The following GNA15 variants were observed in gnomAD, a reference collection of about 807,000 sequenced individuals.
GNA15 encodes the protein G protein subunit alpha 15.
Under a neutral mutation model 40.1 loss-of-function variants are expected in GNA15, and 23 were observed. The ratio of observed to expected loss-of-function variants is 0.57; its 90% CI spans 0.41 to 0.81. The LOEUF is 0.81. Ranked by LOEUF, GNA15 falls within the 40% of genes least tolerant of loss-of-function variation. The probability of loss-of-function intolerance (pLI) is 0.00; values close to 1 mark genes in which losing one functional copy is unlikely to be tolerated. For missense variants in GNA15, 522 were observed against 515.8 expected (o/e 1.01, Z -0.12); for synonymous variants, 226 against 210.4 (o/e 1.07, Z -0.64).
At chr19:3,140,043 A>AT (rs67128452) in intron 1 of GNA15, among the ~76,000 whole-genome samples, 6 of 42,472 alleles carry the variant, frequency 1.4e-4, no homozygotes, top group Admixed American at 1.2e-3. Flanking sequence ...CAAAAAAAAA[A>AT]AATCTATCTA....
At chr19:3,148,062 A>T (rs1599323892) in intron 1 of GNA15, among the ~76,000 whole-genome samples, 1 of 136,576 alleles carries the variant, frequency 7.3e-6, no homozygotes, top group African/African-American at 2.7e-5. Flanking sequence ...TGGTCTGTTG[A>T]GGTCCATGTT....
At chr19:3,156,183 C>CT (rs1915009798) in intron 5 of GNA15, among the ~76,000 whole-genome samples, 2 of 150,924 alleles carry the variant, frequency 1.3e-5, no homozygotes, top group African/African-American at 4.9e-5. Context: ...CACACACACA[C>CT]ACACACACAC....
chr19:3,163,009 A>C lies in GNA15; in HGVS notation c.1115A>C (p.Asn372Thr). 3 of 1,611,894 alleles carry C rather than the reference A, an allele frequency of 1.9e-6. No homozygotes were observed. The highest frequency in any genetic ancestry group is 1.7e-4 in the Middle Eastern group (1 of 6,056). Residue 372 changes from asparagine (N) to threonine (T), a missense_variant, in exon 7 of 7, where the codon AAC becomes ACC. Asn to Thr is a moderately conservative substitution (Grantham distance 65, BLOSUM62 0). Transcript: ENST00000262958. Reference protein sequence around the residue: ...SVLARYLDEINLL With the variant: ...SVLARYLDEITLL ...CTCGCCCGCTACCTGGACGAGATCA[A>C]CCTGCTGTGACCCAGGCCCCACCTG... is the stretch of plus-strand genomic sequence containing the variant.
Position 3,144,750 on chromosome 19 carries a change from G to C in GNA15, c.146-3841G>C, listed in dbSNP as rs187738606. Among the ~76,000 whole-genome samples the C allele has an allele frequency of 6.3e-3, 958 of 150,966 alleles. 7 individuals carry two copies. The highest frequency in any genetic ancestry group is 0.021 in the African/African-American group (872 of 41,100). The stretch of plus-strand genomic sequence containing the variant: ...TCACCGTGTTAGCCAGGATGGTCTC[G>C]ATCTCCTGACCTCGTGATCCGCCCG... On this transcript the variant is annotated intron_variant, in intron 1 of 6. Transcript: ENST00000262958.
At chr19:3,142,558 T>C (rs1163171161) in intron 1 of GNA15, 1 of 152,200 alleles carries the variant, frequency 6.6e-6, no homozygotes, top group Non-Finnish European at 1.5e-5. Flanking sequence ...GGAAGACAAC[T>C]GGGGGACAGG....
chr19:3,155,931 C>G lies in GNA15; in HGVS notation c.723C>G (p.Cys241Trp). 6.2e-7 allele frequency: 1 copy of G among 1,613,764 alleles called. No homozygotes were observed. Among genetic ancestry groups the G allele is most frequent in the Non-Finnish European group, 8.5e-7 (1 of 1,179,734 alleles). The stretch of plus-strand genomic sequence containing the variant: ...CCTCACTGAGTGAATACGACCAGTG[C>G]CTGGAGGAGAACAACCAGGAGGTGC... ...YLASLSEYDQ[C>W]LEENNQENRM... Residue 241 changes from cysteine (C) to tryptophan (W), a missense_variant, in exon 5 of 7, where the codon TGC becomes TGG. Transcript: ENST00000262958. The surrounding 1 kb of genome is among the most constrained non-coding windows in gnomAD (Gnocchi z 5.6).
chr19:3,140,439 C>A (rs1914553980), intron 1 of GNA15, among the ~76,000 whole-genome samples: 1 of 152,100 alleles, frequency 6.6e-6, no homozygotes, highest in African/African-American at 2.4e-5. Context: ...GGTCATTTAT[C>A]CCTGACCTTT....
rs1915179130 is a variant in GNA15 at position 3,163,119 on chromosome 19, C to T, written c.*100C>T. 3 of 763,428 alleles carry T rather than the reference C, an allele frequency of 3.9e-6. No individual in the cohort carries two copies. Among genetic ancestry groups the T allele is most frequent in the Non-Finnish European group, 6.7e-6 (3 of 448,742 alleles). 47.3% of individuals were successfully genotyped at this position (763,428 alleles called of 1,614,324 possible). ...CCCTGGTCTATCTCTCCAGCCTCGG[C>T]CCACACGCAAGGGAGTCGGGGGACG... On this transcript the variant is annotated 3_prime_UTR_variant, in exon 7 of 7. Transcript: ENST00000262958.
chr19:3,142,599 G>A (rs1239842517), intron 1 of GNA15, among the ~76,000 whole-genome samples: 1 of 152,124 alleles, frequency 6.6e-6, no homozygotes, highest in Non-Finnish European at 1.5e-5. Context: ...GGCTGGGCGC[G>A]GTGGCTCAGG....
chr19:3,150,272 G>C lies in GNA15; in HGVS notation c.472G>C (p.Asp158His). The C allele has an allele frequency of 1.9e-6, 3 of 1,595,468 alleles. No individual in the cohort carries two copies. The highest frequency in any genetic ancestry group is 2.6e-6 in the Non-Finnish European group (3 of 1,171,054). The stretch of plus-strand genomic sequence containing the variant: ...GCGTCGGCGGGAATTCCACCTGCTC[G>C]ATTCAGCCGTGTAGTGAGTCTGGGG... ...YERRREFHLL[D>H]SAVYYLSHLE... Residue 158 changes from aspartate to histidine, a missense_variant, in exon 3 of 7, where the codon GAT becomes CAT. Coordinates refer to ENST00000262958, the MANE Select transcript of GNA15 (RefSeq NM_002068.4).
intron 1 of GNA15, among the ~76,000 whole-genome samples, chr19:3,144,040 C>G (rs560471491): frequency 6.6e-6 from 1 of 150,724 alleles, no homozygotes; most frequent in East Asian, 2.0e-4. Context: ...AGGAGAATGG[C>G]GTGAACCCGG....
rs1470280131 is a variant in GNA15, at chr19:3,148,749, A to G, written c.304A>G (p.Ile102Val). 6.2e-7 allele frequency: 1 copy of G among 1,602,662 alleles called. No homozygotes were observed. Among genetic ancestry groups the G allele is most frequent in the Admixed American group, 1.7e-5 (1 of 58,490 alleles). ...GATCGAGGCCATGGAGCGGCTGCAGATTCCATTCAGCAGGCCCGAGAGCAA... is the reference window on the plus strand; with the variant it reads ...GATCGAGGCCATGGAGCGGCTGCAGGTTCCATTCAGCAGGCCCGAGAGCAA... ...AMIEAMERLQ[I>V]PFSRPESKHH... Residue 102 changes from isoleucine (I) to valine (V), a missense_variant, in exon 2 of 7, where the codon ATT becomes GTT. Coordinates refer to ENST00000262958, the MANE Select transcript of GNA15 (RefSeq NM_002068.4).
intron 2 of GNA15, chr19:3,149,880 G>C: frequency 2.3e-6 from 1 of 430,204 alleles, no homozygotes; most frequent in Non-Finnish European, 4.2e-6. Flanking sequence ...CCTGAGCCTG[G>C]GCTCGCCCGA....
chr19:3,162,625 G>A (rs909956324), intron 6 of GNA15, among the ~76,000 whole-genome samples, 168 bp from the exon 7 acceptor site: 1 of 151,776 alleles, frequency 6.6e-6, no homozygotes, highest in Non-Finnish European at 1.5e-5. Flanking sequence ...TGGCTGGGCC[G>A]GAGTCGTGTG....
At chr19:3,150,070 C>A (rs571298057) in intron 2 of GNA15, 61 bp from the exon 3 acceptor site, 2 of 1,451,846 alleles carry the variant, frequency 1.4e-6, no homozygotes, top group East Asian at 2.3e-5. Flanking sequence ...TGCAGAGATG[C>A]CTGCGGAGGG....
intron 5 of GNA15, among the ~76,000 whole-genome samples, chr19:3,156,323 C>G (rs867090536): frequency 6.6e-6 from 1 of 151,956 alleles, no homozygotes; most frequent in Admixed American, 6.6e-5. Flanking sequence ...TGCACATGCA[C>G]AACACATGCA....
Position 3,136,407 on chromosome 19 carries a change from G to T in GNA15, c.-44G>T. The T allele has an allele frequency of 1.3e-6, 2 of 1,538,510 alleles. No homozygotes were observed. Among genetic ancestry groups the T allele is most frequent in the Non-Finnish European group, 1.8e-6 (2 of 1,141,156 alleles). ...CTGGGGGTTGCCCTGGCCAGCAGGG[G>T]CCCGGGGGCGATGCCACCCGGTGCC... On this transcript the variant is annotated 5_prime_UTR_variant, in exon 1 of 7. Coordinates refer to ENST00000262958, the MANE Select transcript of GNA15 (RefSeq NM_002068.4). This position sits in a 1 kb window ranked among gnomAD's most constrained non-coding sequence, Gnocchi z 4.9.
chr19:3,148,698 A>G lies in GNA15; in HGVS notation c.253A>G (p.Asn85Asp). 6.2e-7 allele frequency: 1 copy of G among 1,601,798 alleles called. No individual in the cohort carries two copies. Among genetic ancestry groups the G allele is most frequent in the South Asian group, 1.1e-5 (1 of 89,128 alleles). Residue 85 changes from asparagine to aspartate, a missense_variant, in exon 2 of 7, where the codon AAC becomes GAC. Physicochemically the swap from Asn to Asp is conservative, Grantham distance 23. Transcript: ENST00000262958. ...RKGFRPLVYQNIFVSMRAMIE... is the reference protein window; with the variant it reads ...RKGFRPLVYQDIFVSMRAMIE... ...GGGCTTCCGGCCCCTGGTCTACCAG[A>G]ACATCTTCGTGTCCATGCGGGCCAT...
At chr19:3,144,394 T>C (rs1439245222) in intron 1 of GNA15, among the ~76,000 whole-genome samples, 1 of 152,186 alleles carries the variant, frequency 6.6e-6, no homozygotes, top group Non-Finnish European at 1.5e-5. Flanking sequence ...ATTAGTGAGT[T>C]GACATGTCCC....
Sources: allele counts gnomAD v4.1 joint callset (sites outside exome capture counted in the v4.1 genomes callset), GRCh38; gene constraint gnomAD v4.1.1; non-coding constraint Gnocchi (gnomAD v3.1); transcripts MANE v1.5; gene names NCBI Gene and HGNC (gene_info 2026-07-23, HGNC 2026-07-21).